ATP8B4: variants seen among roughly 807,000 people sequenced by gnomAD.
ATP8B4 encodes ATPase phospholipid transporting 8B4 (putative).
In ATP8B4, 133 loss-of-function variants were observed where a neutral mutation model predicts 145.6. That is an observed-to-expected ratio of 0.91 (90% CI 0.79 to 1.05). ATP8B4 has a LOEUF of 1.05. Ranked by LOEUF, ATP8B4 falls within the 50% of genes least tolerant of loss-of-function variation. The probability of loss-of-function intolerance (pLI) is 0.00; values close to 1 mark genes in which losing one functional copy is unlikely to be tolerated. For missense variants in ATP8B4, 1,458 were observed against 1,425.2 expected, an observed-to-expected ratio of 1.02 and a Z score of -0.37; for synonymous variants, 507 against 492.9, an observed-to-expected ratio of 1.03 and a Z score of -0.38.
intron 6 of ATP8B4, among the ~76,000 whole-genome samples, chr15:50,011,695 T>C (rs16963220): frequency 0.16 from 24,154 of 152,200 alleles, 2,046 homozygotes; most frequent in East Asian, 0.29. Context: ...GCCCTCTGGA[T>C]GCAGACCACC....
At chr15:49,986,757 T>C (rs1453568972) in intron 10 of ATP8B4, among the ~76,000 whole-genome samples, 2 of 152,236 alleles carry the variant, frequency 1.3e-5, no homozygotes. Flanking sequence ...TATGAAATGA[T>C]GCTACTGTAA....
intron 2 of ATP8B4, among the ~76,000 whole-genome samples, chr15:50,102,068 A>T (rs1275000107): frequency 1.3e-5 from 2 of 152,188 alleles, no homozygotes; most frequent in Non-Finnish European, 2.9e-5. Context: ...ACAACCTAAC[A>T]AAACCTCTGG....
chr15:49,908,241 G>C, intron 20 of ATP8B4: 1 of 390,920 alleles, frequency 2.6e-6, no homozygotes, highest in Non-Finnish European at 5.1e-6. Context: ...CAAGAGTCAA[G>C]TTCTGAATGA....
chr15:50,135,539 G>A (rs563743321), intron 1 of ATP8B4, among the ~76,000 whole-genome samples: 4 of 152,016 alleles, frequency 2.6e-5, no homozygotes, highest in East Asian at 1.9e-4. Context: ...ATATGGCCAC[G>A]CCCCTAGACA....
At chr15:50,134,931 A>C (rs1018330079) in intron 1 of ATP8B4, among the ~76,000 whole-genome samples, 1 of 135,194 alleles carries the variant, frequency 7.4e-6, no homozygotes, top group Non-Finnish European at 1.7e-5. Flanking sequence ...AGAACATTTC[A>C]AGCTCAACAG....
chr15:49,916,912 T>C, intron 20 of ATP8B4, 22 bp downstream of exon 20: 1 of 1,602,076 alleles, frequency 6.2e-7, no homozygotes, highest in Non-Finnish European at 8.5e-7. Context: ...TTCCATCCTT[T>C]CCTCCTTCCT....
intron 1 of ATP8B4, among the ~76,000 whole-genome samples, chr15:50,180,874 G>A (rs1357416346): frequency 6.6e-6 from 1 of 152,134 alleles, no homozygotes; most frequent in Non-Finnish European, 1.5e-5. Flanking sequence ...GGCAGGGGGT[G>A]GCCTGGAGGG....
chr15:49,976,198 T>C (rs969170980), intron 12 of ATP8B4, among the ~76,000 whole-genome samples: 10 of 151,956 alleles, frequency 6.6e-5, no homozygotes, highest in Non-Finnish European at 1.3e-4. Context: ...ACTGACACTC[T>C]TTGTTTATTT....
In ATP8B4 at chr15:49,862,254, C is replaced by G; in HGVS notation, c.3288G>C (p.Leu1096=). The G allele has an allele frequency of 6.2e-7, 1 of 1,613,330 alleles. No homozygotes were observed. Among genetic ancestry groups the G allele is most frequent in the Non-Finnish European group, 8.5e-7 (1 of 1,179,512 alleles). The change falls in exon 27 of 28, where the codon CTG becomes CTC. Residue 1096 remains leucine (L), a synonymous_variant. Transcript: ENST00000284509. The part of the protein sequence containing the change: ...RFLKVDLYPT[L]SDQIRRWQKA... ...CAGCACTGTGACATACCTGATCACT[C>G]AGGGTTGGGTATAAATCCACCTTCA...
At chr15:49,871,799 A>T (rs2153386274) in intron 25 of ATP8B4, among the ~76,000 whole-genome samples, 1 of 152,240 alleles carries the variant, frequency 6.6e-6, no homozygotes, top group South Asian at 2.1e-4. Flanking sequence ...TCTAGCCTGG[A>T]TCTTTTCTAA....
intron 18 of ATP8B4, 54 bp from the exon 19 acceptor site, chr15:49,919,004 A>AG: frequency 7.8e-7 from 1 of 1,288,624 alleles, no homozygotes; most frequent in African/African-American, 1.5e-5. Context: ...CAATATCTAT[A>AG]ACATCTATGG....
chr15:49,889,113 A>T (rs192379029), intron 23 of ATP8B4, among the ~76,000 whole-genome samples: 4,281 of 150,150 alleles, frequency 0.029, 139 homozygotes, highest in African/African-American at 0.082. Flanking sequence ...AGTATTTTTA[A>T]AAAAAAAAAG....
At chr15:49,972,506 A>G (rs905232904) in intron 13 of ATP8B4, 76 bp downstream of exon 13, 2 of 1,454,800 alleles carry the variant, frequency 1.4e-6, no homozygotes, top group Non-Finnish European at 1.9e-6. Flanking sequence ...TGGATTTTTA[A>G]ATTTTTTTTT....
intron 14 of ATP8B4, among the ~76,000 whole-genome samples, chr15:49,950,610 AC>A (rs777200954): frequency 0.013 from 1,043 of 78,478 alleles, 23 homozygotes; most frequent in African/African-American, 0.029. Flanking sequence ...AAACAAACAA[AC>A]AAACAAACAA....
At chr15:49,861,591 C>T (rs2031823812) in intron 27 of ATP8B4, among the ~76,000 whole-genome samples, 2 of 152,122 alleles carry the variant, frequency 1.3e-5, no homozygotes, top group Non-Finnish European at 2.9e-5. Context: ...TGTTTGTCTC[C>T]CTTTCTCCTT....
chr15:49,943,657 C>T (rs985147857), intron 14 of ATP8B4, among the ~76,000 whole-genome samples: 1 of 152,184 alleles, frequency 6.6e-6, no homozygotes, highest in Non-Finnish European at 1.5e-5. Flanking sequence ...TAAAGACTTT[C>T]TCAGAGAGAA....
At chr15:50,009,503 A>C in intron 7 of ATP8B4, 1 of 336,460 alleles carries the variant, frequency 3.0e-6, no homozygotes. Context: ...CACATGGACA[A>C]ACCAAAGACA....
chr15:49,925,212 A>G (rs931053124), intron 16 of ATP8B4, among the ~76,000 whole-genome samples: 1 of 152,050 alleles, frequency 6.6e-6, no homozygotes, highest in African/African-American at 2.4e-5. Flanking sequence ...TAAATCTAAC[A>G]TATAAGCATA....
intron 1 of ATP8B4, among the ~76,000 whole-genome samples, chr15:50,109,575 T>A (rs1291686528): frequency 4.0e-5 from 6 of 151,862 alleles, no homozygotes. Flanking sequence ...TAAGTCAACA[T>A]GTTCTGTGTT....
Sources: gnomAD v4.1 joint callset for allele counts (sites outside exome capture counted in the v4.1 genomes callset) on GRCh38, gnomAD v4.1.1 for gene constraint, MANE v1.5 for transcripts, NCBI Gene and HGNC (gene_info 2026-07-23, HGNC 2026-07-21) for gene names.